The following ABTB3 variants were observed in gnomAD, a reference collection of about 807,000 sequenced individuals.
ABTB3 encodes the protein ankyrin repeat and BTB domain containing 3.
the ABTB3 span, among the ~76,000 whole-genome samples, chr12:107,356,152 C>T: frequency 1.3e-5 from 2 of 152,106 alleles, no homozygotes; most frequent in Non-Finnish European, 2.9e-5. Context: ...ATAGCTGGTC[C>T]ACACTTGGGG....
At chr12:107,450,922 C>T in the ABTB3 span, among the ~76,000 whole-genome samples, 1 of 150,460 alleles carries the variant, frequency 6.6e-6, no homozygotes, top group Non-Finnish European at 1.5e-5. Flanking sequence ...ATTCAACATA[C>T]TCATTATAGT....
At chr12:107,528,761 T>G in the ABTB3 span, among the ~76,000 whole-genome samples, 5 of 152,312 alleles carry the variant, frequency 3.3e-5, no homozygotes, top group African/African-American at 9.6e-5. Context: ...CTGTTGCTAC[T>G]GCTGCTGCCG....
chr12:107,328,356 C>G, the ABTB3 span, among the ~76,000 whole-genome samples: 2 of 152,156 alleles, frequency 1.3e-5, no homozygotes, highest in African/African-American at 4.8e-5. Flanking sequence ...AAACGTTGAT[C>G]CTAGCATCTC....
At chr12:107,522,098 C>T in the ABTB3 span, among the ~76,000 whole-genome samples, 1 of 151,712 alleles carries the variant, frequency 6.6e-6, no homozygotes, top group African/African-American at 2.4e-5. Context: ...CCTGTGTTCT[C>T]GCAGGGTGGT....
At chr12:107,630,852 A>C in the ABTB3 span, among the ~76,000 whole-genome samples, 1 of 152,230 alleles carries the variant, frequency 6.6e-6, no homozygotes, top group Non-Finnish European at 1.5e-5. Context: ...AATAGGCTAT[A>C]TTACTATGGT....
At chr12:107,363,220 G>T in the ABTB3 span, among the ~76,000 whole-genome samples, 6 of 152,214 alleles carry the variant, frequency 3.9e-5, no homozygotes, top group East Asian at 7.7e-4. Context: ...GCTTTTGAAA[G>T]AACCACTTCA....
chr12:107,657,456 A>C, the ABTB3 span: 1 of 1,493,156 alleles, frequency 6.7e-7, no homozygotes, highest in African/African-American at 1.4e-5. Flanking sequence ...CATAATCTGA[A>C]AGGTGCTTTT....
the ABTB3 span, among the ~76,000 whole-genome samples, chr12:107,406,146 G>A: frequency 2.0e-5 from 3 of 152,174 alleles, no homozygotes; most frequent in Non-Finnish European, 4.4e-5. Context: ...ACACGGTTGT[G>A]ATAGTACCTG....
chr12:107,622,315 CT>C, the ABTB3 span, among the ~76,000 whole-genome samples: 2 of 152,066 alleles, frequency 1.3e-5, no homozygotes, highest in Non-Finnish European at 2.9e-5. Flanking sequence ...GGGGGATATT[CT>C]TGTGGTCAAA....
At chr12:107,570,324 C>T in the ABTB3 span, among the ~76,000 whole-genome samples, 2 of 152,184 alleles carry the variant, frequency 1.3e-5, no homozygotes, top group South Asian at 2.1e-4. Context: ...AAGCGATTCT[C>T]GTGCCTCAGC....
chr12:107,594,037 G>A, the ABTB3 span, among the ~76,000 whole-genome samples: 446 of 152,318 alleles, frequency 2.9e-3, 1 homozygote, highest in African/African-American at 0.01. Flanking sequence ...CATAAAAAAG[G>A]TAAGGTCTGA....
the ABTB3 span, among the ~76,000 whole-genome samples, chr12:107,637,924 G>T: frequency 6.6e-6 from 1 of 151,876 alleles, no homozygotes; most frequent in Non-Finnish European, 1.5e-5. Context: ...AAGCAGGAAT[G>T]GGGGACTAGC....
At chr12:107,392,595 C>A in the ABTB3 span, among the ~76,000 whole-genome samples, 1 of 152,194 alleles carries the variant, frequency 6.6e-6, no homozygotes, top group Non-Finnish European at 1.5e-5. Context: ...TGACTAATCT[C>A]TCAATGTCAG....
chr12:107,422,075 T>A, the ABTB3 span, among the ~76,000 whole-genome samples: 5 of 151,342 alleles, frequency 3.3e-5, no homozygotes, highest in Middle Eastern at 3.2e-3. Context: ...GGCTGGGAGG[T>A]AGATAGGTTT....
the ABTB3 span, among the ~76,000 whole-genome samples, chr12:107,600,091 A>G: frequency 6.6e-6 from 1 of 152,182 alleles, no homozygotes; most frequent in Non-Finnish European, 1.5e-5. Flanking sequence ...CCAGATATGT[A>G]ACTCCTCTGA....
chr12:107,428,805 G>A, the ABTB3 span, among the ~76,000 whole-genome samples: 1,829 of 152,352 alleles, frequency 0.012, 26 homozygotes, highest in South Asian at 0.029. Flanking sequence ...TTTATTGAGC[G>A]TCTGCTCGGT....
At chr12:107,521,761 G>C in the ABTB3 span, among the ~76,000 whole-genome samples, 3 of 149,760 alleles carry the variant, frequency 2.0e-5, no homozygotes, top group Admixed American at 2.0e-4. Context: ...TTTACCACAG[G>C]ACCTTTGCAC....
At chr12:107,529,765 G>A in the ABTB3 span, among the ~76,000 whole-genome samples, 20 of 152,194 alleles carry the variant, frequency 1.3e-4, no homozygotes, top group East Asian at 1.2e-3. Context: ...GTTAGTAGCC[G>A]GTTGGAGGCT....
At chr12:107,355,392 G>A in the ABTB3 span, among the ~76,000 whole-genome samples, 1 of 152,232 alleles carries the variant, frequency 6.6e-6, no homozygotes, top group Non-Finnish European at 1.5e-5. Context: ...TGGTGCCTGG[G>A]AGCCCTGAGC....
Sources: allele counts gnomAD v4.1 joint callset (sites outside exome capture counted in the v4.1 genomes callset), GRCh38; gene constraint gnomAD v4.1.1; transcripts MANE v1.5; gene names NCBI Gene and HGNC (gene_info 2026-07-23, HGNC 2026-07-21).